The following NAT1 variants were observed in gnomAD, a reference collection of about 807,000 sequenced individuals.
The protein encoded by NAT1 is N-acetyltransferase 1, also known as arylamine N-acetyltransferase 1.
For synonymous variants in NAT1, 144 were observed against 122.6 expected (o/e 1.17, Z -1.16); for missense variants, 400 against 339.2 (o/e 1.18, Z -1.41).
chr8:18,173,146 G>GCACGCA (rs112149943), intron 2 of NAT1, among the ~76,000 whole-genome samples: 44 of 146,634 alleles, frequency 3.0e-4, no homozygotes, highest in African/African-American at 9.9e-4. Flanking sequence ...ACACAGAGAT[G>GCACGCA]CACACACACA....
At chr8:18,208,439 T>C (rs1031086648), upstream of NAT1, among the ~76,000 whole-genome samples, 1 of 152,182 alleles carries the variant, frequency 6.6e-6, no homozygotes, top group East Asian at 1.9e-4. Context: ...GGATACAGAA[T>C]CAACATACAA....
At chr8:18,206,938 T>C (rs543714461), upstream of NAT1, among the ~76,000 whole-genome samples, 20 of 152,222 alleles carry the variant, frequency 1.3e-4, no homozygotes, top group Non-Finnish European at 1.3e-4. Flanking sequence ...CATCATGAAA[T>C]CTTTGCCCAT....
At chr8:18,178,580 T>C (rs111535455) in intron 2 of NAT1, among the ~76,000 whole-genome samples, 5 of 152,274 alleles carry the variant, frequency 3.3e-5, no homozygotes, top group African/African-American at 1.2e-4. Flanking sequence ...GAGCTATAGC[T>C]GAAGAGCTCA....
At chr8:18,205,329 C>A (rs1803664067), upstream of NAT1, among the ~76,000 whole-genome samples, 1 of 152,156 alleles carries the variant, frequency 6.6e-6, no homozygotes, top group African/African-American at 2.4e-5. Context: ...TGTGCATGGT[C>A]ATACTGGTGG....
At chr8:18,177,078 A>C (rs1188527690) in intron 2 of NAT1, among the ~76,000 whole-genome samples, 3 of 152,018 alleles carry the variant, frequency 2.0e-5, no homozygotes, top group Admixed American at 2.0e-4. Flanking sequence ...CTTGCATCTT[A>C]TTGAATTGAT....
intron 2 of NAT1, among the ~76,000 whole-genome samples, chr8:18,203,366 G>C (rs1476944198): frequency 1.3e-5 from 2 of 152,190 alleles, no homozygotes; most frequent in African/African-American, 4.8e-5. Flanking sequence ...AAATAGAAAT[G>C]TGTTCAGAAT....
chr8:18,176,564 G>A (rs919212697), intron 2 of NAT1, among the ~76,000 whole-genome samples: 9 of 150,568 alleles, frequency 6.0e-5, no homozygotes, highest in Middle Eastern at 3.4e-3. Flanking sequence ...TGGTTGAGGC[G>A]TCTGTTTTTA....
chr8:18,215,517 G>A (rs1318258725), intron 1 of NAT1, among the ~76,000 whole-genome samples: 1 of 151,988 alleles, frequency 6.6e-6, no homozygotes, highest in African/African-American at 2.4e-5. Flanking sequence ...GTATTCTAAG[G>A]TATGAAATCT....
rs867938850 is a variant in NAT1, at chr8:18,222,135, C to A, written c.88C>A (p.His30Asn). The change falls in exon 3 of 3, where the codon CAC becomes AAC. Residue 30 changes from histidine (H) to asparagine (N), a missense_variant. Transcript: ENST00000307719. ...DLETLTDILQ[H>N]QIRAVPFENL... The stretch of plus-strand genomic sequence containing the variant: ...GGAAACATTAACTGACATTCTTCAA[C>A]ACCAGATCCGAGCTGTTCCCTTTGA... The A allele has an allele frequency of 1.9e-6, 3 of 1,614,132 alleles. No individual in the cohort carries two copies. The Admixed American group carries it at 5.0e-5, about 27-fold the overall frequency.
At chr8:18,216,157 CTT>C (rs1804640359) in intron 1 of NAT1, among the ~76,000 whole-genome samples, 1 of 152,162 alleles carries the variant, frequency 6.6e-6, no homozygotes, top group African/African-American at 2.4e-5. Context: ...AGATGCTACT[CTT>C]TTAGCTGTGG....
At chr8:18,216,385 G>A (rs1429444825) in intron 1 of NAT1, among the ~76,000 whole-genome samples, 2 of 152,182 alleles carry the variant, frequency 1.3e-5, no homozygotes, top group Non-Finnish European at 2.9e-5. Flanking sequence ...GCGGCTGTCA[G>A]TGTAAATGTT....
chr8:18,178,385 A>G (rs1358897209), intron 2 of NAT1, among the ~76,000 whole-genome samples: 3 of 152,168 alleles, frequency 2.0e-5, no homozygotes, highest in East Asian at 1.9e-4. Flanking sequence ...CTTGTATATT[A>G]AAATGTGTGG....
At position 18,180,397 on chromosome 8, in the gene NAT1, T is replaced by C. The variant is rs530378726; in HGVS notation, n.92+9658T>C. Among the ~76,000 whole-genome samples, 5 of 152,180 alleles carry C rather than the reference T, an allele frequency of 3.3e-5. No homozygotes were observed. In the South Asian group the frequency reaches 1.0e-3, roughly 32 times the overall value. On this transcript the variant is annotated intron_variant and non_coding_transcript_variant, in intron 2 of 4. Coordinates refer to the NAT1 transcript ENST00000517441. ...CAAATGCAAGCAGGTATGAAGCCTA[T>C]AGTGGATTTGGGAAGGAGAAACAAA...
In NAT1 at chr8:18,213,914, C is replaced by T. The variant is rs576070544; in HGVS notation, c.-86+3734C>T. 3.4e-3 allele frequency among the ~76,000 whole-genome samples: 519 copies of T among 151,752 alleles called. 3 individuals carry two copies. The highest frequency in any genetic ancestry group is 4.3e-3 in the Non-Finnish European group (290 of 67,866). Reference sequence around the variant, plus strand: ...CTGCAAGCTCCGCTTCCTGGGTTCACGCCATTCTCCTGCCTCAGCCTCCTG... The same window carrying T: ...CTGCAAGCTCCGCTTCCTGGGTTCATGCCATTCTCCTGCCTCAGCCTCCTG... On this transcript the variant is annotated intron_variant, in intron 1 of 2. Transcript: ENST00000307719.
intron 2 of NAT1, among the ~76,000 whole-genome samples, chr8:18,174,940 A>G (rs2117200588): frequency 6.6e-6 from 1 of 152,284 alleles, no homozygotes. Context: ...ACCTCTGGGC[A>G]ACACAATCTC....
chr8:18,193,595 A>T (rs1008171440), intron 2 of NAT1, among the ~76,000 whole-genome samples: 1 of 148,480 alleles, frequency 6.7e-6, no homozygotes, highest in Non-Finnish European at 1.5e-5. Flanking sequence ...TTCCTGTGAA[A>T]AACGGGATAT....
At chr8:18,216,074 A>G (rs1804627572) in intron 1 of NAT1, among the ~76,000 whole-genome samples, 1 of 152,140 alleles carries the variant, frequency 6.6e-6, no homozygotes, top group Non-Finnish European at 1.5e-5. Context: ...TTTTTTGCAT[A>G]AGATGACATA....
intron 2 of NAT1, among the ~76,000 whole-genome samples, chr8:18,194,319 C>T (rs918454721): frequency 3.9e-5 from 6 of 152,248 alleles, no homozygotes; most frequent in Admixed American, 2.0e-4. Context: ...GTGGCATAGC[C>T]TCAGTGATTT....
At chr8:18,189,874 C>G (rs181749219) in intron 2 of NAT1, among the ~76,000 whole-genome samples, 1 of 152,156 alleles carries the variant, frequency 6.6e-6, no homozygotes, top group African/African-American at 2.4e-5. Flanking sequence ...ACTACAGCCT[C>G]CACCTCCTGG....
Sources: allele counts gnomAD v4.1 joint callset (sites outside exome capture counted in the v4.1 genomes callset), GRCh38; gene constraint gnomAD v4.1.1; transcripts MANE v1.5; gene names NCBI Gene and HGNC (gene_info 2026-07-23, HGNC 2026-07-21).